Variants in DIPK1A observed in about 807,000 individuals in gnomAD.
DIPK1A encodes the protein divergent protein kinase domain 1A, also known as family with sequence similarity 69 member A.
In DIPK1A, 27 loss-of-function variants were observed where a neutral mutation model predicts 40.8. That is an observed-to-expected ratio of 0.66 (90% CI 0.49 to 0.91). The LOEUF (loss-of-function observed/expected upper bound fraction) is 0.91, where lower values mean the gene tolerates loss of function less well. Ranked by LOEUF, DIPK1A falls within the 40% of genes least tolerant of loss-of-function variation. DIPK1A has a pLI of 0.00. For synonymous variants in DIPK1A, 166 were observed against 171.3 expected (o/e 0.97, Z 0.24); for missense variants, 412 against 505.7 (o/e 0.81, Z 1.78).
rs187834610 is a variant in DIPK1A, at chr1:92,895,368, G to A, written c.55-18938C>T. Among the ~76,000 whole-genome samples the A allele has an allele frequency of 9.9e-4, 150 of 152,072 alleles. 6 individuals carry two copies. Among genetic ancestry groups the A allele is most frequent in the African/African-American group, 3.5e-3 (144 of 41,412 alleles). On this transcript the variant is annotated intron_variant, in intron 1 of 4. Transcript: ENST00000370310. ...GTTCAACATATACAAATCAACAAAC[G>A]TAATCCAGCATATAAACAGAACCAA...
intron 2 of DIPK1A, among the ~76,000 whole-genome samples, chr1:92,861,618 C>T (rs757027543): frequency 1.3e-5 from 2 of 151,958 alleles, no homozygotes; most frequent in Non-Finnish European, 2.9e-5. Flanking sequence ...TGAGCTGCTG[C>T]GCTCAGCCAA....
At chr1:92,960,224 T>C (rs1652016996) in intron 1 of DIPK1A, among the ~76,000 whole-genome samples, 1 of 152,082 alleles carries the variant, frequency 6.6e-6, no homozygotes, top group Non-Finnish European at 1.5e-5. Flanking sequence ...GGTTGTCAAA[T>C]CATGCTTCCA....
chr1:92,927,487 A>G (rs1422310187), intron 1 of DIPK1A, among the ~76,000 whole-genome samples: 1 of 150,138 alleles, frequency 6.7e-6, no homozygotes, highest in Non-Finnish European at 1.5e-5. Context: ...GATTACAGGC[A>G]TGAGCCTCTG....
At chr1:92,931,737 C>A (rs1571136321) in intron 1 of DIPK1A, 1 of 167,052 alleles carries the variant, frequency 6.0e-6, no homozygotes, top group Non-Finnish European at 1.3e-5. Flanking sequence ...ATTCTTCATG[C>A]AAGAACGTAT....
chr1:92,897,303 C>T (rs1571104146), intron 1 of DIPK1A, among the ~76,000 whole-genome samples: 1 of 152,240 alleles, frequency 6.6e-6, no homozygotes, highest in African/African-American at 2.4e-5. Flanking sequence ...GGCACATATA[C>T]ACCATGGAAT....
chr1:92,843,230 ATTAC>A lies in DIPK1A; in HGVS notation c.*149_*152del. On this transcript the variant is annotated 3_prime_UTR_variant, in exon 5 of 5. Transcript: ENST00000370310. ...GGGACCTGTTGATCCTACACCTGCC[ATTAC>A]TTCAGTGATCACATACTGATGGCTT... 4 of 1,419,432 alleles carry A rather than the reference ATTAC, an allele frequency of 2.8e-6. No homozygotes were observed. Among genetic ancestry groups the A allele is most frequent in the Non-Finnish European group, 3.7e-6 (4 of 1,085,902 alleles). The allele number at this position is 1,419,432 out of a possible 1,614,324, so 87.9% of individuals were successfully genotyped here.
chr1:92,953,615 ATTATG>A (rs1291670680), intron 1 of DIPK1A, among the ~76,000 whole-genome samples: 2 of 152,246 alleles, frequency 1.3e-5, no homozygotes, highest in African/African-American at 4.8e-5. Context: ...CATGGGTGAC[ATTATG>A]TTAAGTGAAA....
At chr1:92,919,560 A>T (rs1650193400) in intron 1 of DIPK1A, among the ~76,000 whole-genome samples, 1 of 152,182 alleles carries the variant, frequency 6.6e-6, no homozygotes, top group Non-Finnish European at 1.5e-5. Flanking sequence ...CACCCTAAGA[A>T]TTCTATCATG....
At chr1:92,884,663 C>T (rs920694323) in intron 1 of DIPK1A, among the ~76,000 whole-genome samples, 3 of 152,128 alleles carry the variant, frequency 2.0e-5, no homozygotes, top group Non-Finnish European at 4.4e-5. Context: ...AATAGCCATA[C>T]ACAAATCTTT....
intron 1 of DIPK1A, among the ~76,000 whole-genome samples, chr1:92,903,267 A>G (rs909735443): frequency 2.6e-5 from 4 of 152,012 alleles, no homozygotes; most frequent in African/African-American, 9.7e-5. Context: ...GTGGGTCTTG[A>G]ACTCCTGGGC....
At chr1:92,949,533 T>C (rs1326784946) in intron 1 of DIPK1A, among the ~76,000 whole-genome samples, 1 of 152,174 alleles carries the variant, frequency 6.6e-6, no homozygotes, top group Non-Finnish European at 1.5e-5. Context: ...CACCTCGGCC[T>C]CCCAAAGTGC....
At chr1:92,895,236 A>G (rs1362377478) in intron 1 of DIPK1A, among the ~76,000 whole-genome samples, 4 of 152,062 alleles carry the variant, frequency 2.6e-5, no homozygotes, top group Non-Finnish European at 5.9e-5. Context: ...CCTGATGAAC[A>G]TCGATGCAAA....
intron 2 of DIPK1A, among the ~76,000 whole-genome samples, chr1:92,863,352 T>C (rs1256317962): frequency 6.6e-6 from 1 of 152,204 alleles, no homozygotes; most frequent in Non-Finnish European, 1.5e-5. Context: ...CTAACAGTGA[T>C]ACTGCCTGTC....
At chr1:92,918,436 A>T (rs1650139831) in intron 1 of DIPK1A, among the ~76,000 whole-genome samples, 1 of 152,236 alleles carries the variant, frequency 6.6e-6, no homozygotes, top group East Asian at 1.9e-4. Context: ...GGCATGAGCC[A>T]CTGTGCCTGG....
chr1:92,839,097 C>T (rs754960801), downstream of DIPK1A, among the ~76,000 whole-genome samples: 6 of 149,278 alleles, frequency 4.0e-5, no homozygotes, highest in Admixed American at 1.3e-4. Flanking sequence ...TGGTGGCTCA[C>T]GCCTGTAATC....
intron 1 of DIPK1A, among the ~76,000 whole-genome samples, chr1:92,897,512 G>A (rs1319626187): frequency 2.6e-5 from 4 of 152,094 alleles, no homozygotes; most frequent in Admixed American, 2.6e-4. Flanking sequence ...GTTGTGGGGT[G>A]GGCGGAGGGG....
rs1687393913 is a variant in DIPK1A, at chr1:92,842,201, G to A, written c.*1182C>T. ...CATCCATTTATTATAACCAGATGAT[G>A]AATGGGAAAAGTACCTTAAAGTAAA... On this transcript the variant is annotated 3_prime_UTR_variant, in exon 5 of 5. Transcript: ENST00000370310. 9.9e-7 allele frequency: 1 copy of A among 1,007,770 alleles called. No homozygotes were observed. Among genetic ancestry groups the A allele is most frequent in the Non-Finnish European group, 1.2e-6 (1 of 844,052 alleles). The allele number at this position is 1,007,770 out of a possible 1,614,324, so 62.4% of individuals were successfully genotyped here. A position where few individuals can be genotyped will look rare whatever the true frequency, so the allele number is the denominator to read the frequency against.
At chr1:92,872,850 C>T (rs1050158480) in intron 2 of DIPK1A, among the ~76,000 whole-genome samples, 1 of 152,154 alleles carries the variant, frequency 6.6e-6, no homozygotes, top group Non-Finnish European at 1.5e-5. Flanking sequence ...GTGAGACTGC[C>T]AAAGAGTCTG....
chr1:92,947,321 AAAG>A (rs1292227345), intron 1 of DIPK1A, among the ~76,000 whole-genome samples: 1 of 152,224 alleles, frequency 6.6e-6, no homozygotes, highest in Non-Finnish European at 1.5e-5. Context: ...ACATTTCTCA[AAAG>A]AAGACATACA....
Sources: allele counts gnomAD v4.1 joint callset (sites outside exome capture counted in the v4.1 genomes callset), GRCh38; gene constraint gnomAD v4.1.1; transcripts MANE v1.5; gene names NCBI Gene and HGNC (gene_info 2026-07-23, HGNC 2026-07-21).